The following PDLIM5 variants were observed in gnomAD, a reference collection of about 807,000 sequenced individuals.
The protein encoded by PDLIM5 is PDZ and LIM domain 5.
PDLIM5 carries 34 observed loss-of-function variants against 64.2 expected under a neutral mutation model. The ratio of observed to expected loss-of-function variants is 0.53; its 90% CI spans 0.40 to 0.71. The LOEUF (loss-of-function observed/expected upper bound fraction) is 0.71, where lower values mean the gene tolerates loss of function less well. Ranked by LOEUF, PDLIM5 falls within the 30% of genes least tolerant of loss-of-function variation. The probability of loss-of-function intolerance (pLI) is 0.00; values close to 1 mark genes in which losing one functional copy is unlikely to be tolerated. For synonymous variants in PDLIM5, 253 were observed against 269.1 expected (o/e 0.94, Z 0.59); for missense variants, 683 against 733.6 (o/e 0.93, Z 0.80).
intron 8 of PDLIM5, among the ~76,000 whole-genome samples, chr4:94,622,298 A>G (rs2110408438): frequency 6.6e-6 from 1 of 151,602 alleles, no homozygotes; most frequent in South Asian, 2.1e-4. Context: ...TATGGATAGC[A>G]GCTTAGGTAA....
At chr4:94,486,428 A>G (rs537328789) in intron 2 of PDLIM5, among the ~76,000 whole-genome samples, 3 of 152,206 alleles carry the variant, frequency 2.0e-5, no homozygotes, top group African/African-American at 7.2e-5. Context: ...AGCTTTTCTC[A>G]TAAGAAAGTT....
chr4:94,587,658 A>G lies in PDLIM5; in HGVS notation c.920+1214A>G, dbSNP rs369119823. ...AGTAGGTACTATTCAGGATGGCTCT[A>G]TGAAGAGGAGGAGGTCCAGATTTGG... On this transcript the variant is annotated intron_variant, in intron 7 of 12. Transcript: ENST00000317968. 6.1e-6 allele frequency: 6 copies of G among 981,296 alleles called. No individual in the cohort carries two copies. The African/African-American group carries it at 8.7e-5, about 14-fold the overall frequency. The allele number at this position is 981,296 out of a possible 1,614,324, so 60.8% of individuals were successfully genotyped here.
At chr4:94,543,581 C>G (rs1406026073) in intron 3 of PDLIM5, among the ~76,000 whole-genome samples, 1 of 152,112 alleles carries the variant, frequency 6.6e-6, no homozygotes, top group Non-Finnish European at 1.5e-5. Flanking sequence ...TGACCAACAT[C>G]TCCCCAGCCC....
chr4:94,502,200 A>G (rs1727988773), intron 2 of PDLIM5, among the ~76,000 whole-genome samples: 1 of 152,184 alleles, frequency 6.6e-6, no homozygotes, highest in South Asian at 2.1e-4. Flanking sequence ...CCTGGAAGCT[A>G]GAAGAGACAT....
intron 3 of PDLIM5, among the ~76,000 whole-genome samples, chr4:94,540,301 G>A (rs1172666586): frequency 6.6e-6 from 1 of 152,004 alleles, no homozygotes; most frequent in African/African-American, 2.4e-5. Context: ...TGAATTTTTA[G>A]TAGAGATGGG....
At chr4:94,595,885 A>G (rs1001969932) in intron 7 of PDLIM5, among the ~76,000 whole-genome samples, 1 of 152,194 alleles carries the variant, frequency 6.6e-6, no homozygotes, top group Non-Finnish European at 1.5e-5. Context: ...ACTTGCCCCA[A>G]AAAATAGAAC....
intron 5 of PDLIM5, chr4:94,577,466 G>GATAT (rs10591059): frequency 1.1e-4 from 39 of 367,896 alleles, no homozygotes; most frequent in South Asian, 2.7e-4. Flanking sequence ...CTAAAGTTCT[G>GATAT]ATATATATAT....
At chr4:94,653,166 C>T (rs571302433) in intron 9 of PDLIM5, among the ~76,000 whole-genome samples, 1 of 152,136 alleles carries the variant, frequency 6.6e-6, no homozygotes, top group South Asian at 2.1e-4. Context: ...GGCAGAATAT[C>T]AGTTGACTAG....
intron 1 of PDLIM5, among the ~76,000 whole-genome samples, chr4:94,454,806 G>A (rs1421404020): frequency 1.3e-5 from 2 of 152,194 alleles, no homozygotes; most frequent in African/African-American, 4.8e-5. Context: ...ACATGTTAGA[G>A]TAACTTAGAA....
At position 94,573,366 on chromosome 4, in the gene PDLIM5, C is replaced by A; in HGVS notation, c.264C>A (p.Pro88=). Residue 88 remains proline (P), a synonymous_variant, in exon 4 of 13, where the codon CCC becomes CCA. Coordinates refer to ENST00000317968, the MANE Select transcript of PDLIM5 (RefSeq NM_006457.5). ...NMTLQRASAA[P]KPEPVPVQKG... is the part of the protein sequence containing the mutation. ...TTTTCCTCAGAGCATCTGCTGCACC[C>A]AAGCCTGAGCCGGTTCCTGTTCAAA... is the stretch of plus-strand genomic sequence containing the variant. 6.2e-7 allele frequency: 1 copy of A among 1,612,558 alleles called. No individual in the cohort carries two copies. The highest frequency in any genetic ancestry group is 8.5e-7 in the Non-Finnish European group (1 of 1,179,106).
In PDLIM5 at chr4:94,586,957, C is replaced by CTTT. The variant is rs70946535; in HGVS notation, c.920+530_920+532dup. The CTTT allele has an allele frequency of 2.3e-3, 2,772 of 1,194,988 alleles. 117 individuals are homozygous for CTTT. The highest frequency in any genetic ancestry group is 6.7e-3 in the East Asian group (244 of 36,404). The allele number at this position is 1,194,988 out of a possible 1,614,324, so 74.0% of individuals were successfully genotyped here. ...TATTTCTTATGACTCTTCTATCACTCTTTTTTTTTTTTTTTTTTTGTATTT... is the reference window on the plus strand; with the variant it reads ...TATTTCTTATGACTCTTCTATCACTCTTTTTTTTTTTTTTTTTTTTTTGTATTT... On this transcript the variant is annotated intron_variant, in intron 7 of 12. Transcript: ENST00000317968.
chr4:94,511,678 G>T (rs1728893896), intron 2 of PDLIM5, among the ~76,000 whole-genome samples: 1 of 151,544 alleles, frequency 6.6e-6, no homozygotes, highest in South Asian at 2.1e-4. Context: ...CTGTGTCAAT[G>T]AATTCAATTA....
intron 2 of PDLIM5, among the ~76,000 whole-genome samples, chr4:94,501,330 C>T (rs946044449): frequency 6.6e-6 from 1 of 152,136 alleles, no homozygotes; most frequent in Non-Finnish European, 1.5e-5. Flanking sequence ...AAAGTCTATC[C>T]ACTTGGGTCC....
intron 7 of PDLIM5, chr4:94,587,902 T>A: frequency 3.3e-6 from 3 of 902,324 alleles, no homozygotes; most frequent in Non-Finnish European, 4.0e-6. Flanking sequence ...AATTACAATA[T>A]GAATGATTGT....
intron 8 of PDLIM5, among the ~76,000 whole-genome samples, chr4:94,620,501 C>T (rs1214073497): frequency 1.3e-5 from 2 of 151,898 alleles, no homozygotes; most frequent in Non-Finnish European, 2.9e-5. Flanking sequence ...TGCACCACTA[C>T]ACTCCAGCCT....
intron 2 of PDLIM5, among the ~76,000 whole-genome samples, chr4:94,522,150 A>G (rs2110130938): frequency 6.6e-6 from 1 of 152,310 alleles, no homozygotes; most frequent in African/African-American, 2.4e-5. Flanking sequence ...GGTCAAGGGA[A>G]TAATAATACA....
intron 2 of PDLIM5, chr4:94,455,879 A>G: frequency 2.8e-6 from 4 of 1,404,902 alleles, no homozygotes; most frequent in Non-Finnish European, 3.9e-6. Context: ...TTACCCTTGA[A>G]GAGGAAATGA....
intron 2 of PDLIM5, among the ~76,000 whole-genome samples, chr4:94,466,745 C>CT (rs1724402838): frequency 6.6e-6 from 1 of 152,148 alleles, no homozygotes; most frequent in African/African-American, 2.4e-5. Flanking sequence ...TAGGTCAAGT[C>CT]TTTTATAGAA....
chr4:94,566,778 A>T (rs1260424909), intron 3 of PDLIM5, among the ~76,000 whole-genome samples: 3 of 152,254 alleles, frequency 2.0e-5, no homozygotes, highest in Non-Finnish European at 4.4e-5. Flanking sequence ...AAAAAAATAA[A>T]TAGTCAAACT....
Sources: allele counts gnomAD v4.1 joint callset (sites outside exome capture counted in the v4.1 genomes callset), GRCh38; gene constraint gnomAD v4.1.1; transcripts MANE v1.5; gene names NCBI Gene and HGNC (gene_info 2026-07-23, HGNC 2026-07-21).